Variants in NLRP11 observed in about 807,000 individuals in gnomAD.
NLRP11 encodes the protein NLR family pyrin domain containing 11, also known as NACHT, LRR and PYD domains-containing protein 11.
In NLRP11, 53 loss-of-function variants were observed where a neutral mutation model predicts 79.3. The ratio of observed to expected loss-of-function variants is 0.67; its 90% CI spans 0.54 to 0.84. NLRP11 has a LOEUF of 0.84. NLRP11 is among the 40% of genes least tolerant of loss of function. NLRP11 has a pLI of 0.00. For synonymous variants in NLRP11, 518 were observed against 462.6 expected (o/e 1.12, Z -1.54); for missense variants, 1,264 against 1,255.0 (o/e 1.01, Z -0.11).
At chr19:55,805,543 T>G (rs890523303) in intron 4 of NLRP11, among the ~76,000 whole-genome samples, 1 of 152,044 alleles carries the variant, frequency 6.6e-6, no homozygotes, top group East Asian at 1.9e-4. Flanking sequence ...GTTTTGTTTT[T>G]TTTTTTAAAT....
At chr19:55,834,217 G>A (rs1983043337), upstream of NLRP11, among the ~76,000 whole-genome samples, 1 of 152,098 alleles carries the variant, frequency 6.6e-6, no homozygotes, top group Non-Finnish European at 1.5e-5. Flanking sequence ...CAAACTAGGA[G>A]GAGATATATG....
chr19:55,792,601 CT>C (rs748380573), intron 6 of NLRP11, 130 bp from the exon 7 acceptor site: 5 of 649,266 alleles, frequency 7.7e-6, no homozygotes, highest in Non-Finnish European at 1.3e-5. Context: ...CTACCAATGA[CT>C]TTCTTATTTG....
At chr19:55,804,515 C>G (rs1052568720) in intron 4 of NLRP11, among the ~76,000 whole-genome samples, 6 of 151,806 alleles carry the variant, frequency 4.0e-5, no homozygotes, top group African/African-American at 1.5e-4. Context: ...GGAACAGAAC[C>G]AAATACTGCA....
At chr19:55,834,187 A>G (rs964836376), upstream of NLRP11, among the ~76,000 whole-genome samples, 4 of 152,220 alleles carry the variant, frequency 2.6e-5, no homozygotes, top group African/African-American at 9.6e-5. Flanking sequence ...TGGTTCTTAT[A>G]TAACAAAAGC....
chr19:55,809,221 C>T lies in NLRP11; in HGVS notation c.1389G>A (p.Leu463=), dbSNP rs1345435797. 8 of 1,613,504 alleles carry T rather than the reference C, an allele frequency of 5.0e-6. No individual in the cohort carries two copies. Among genetic ancestry groups the T allele is most frequent in the Non-Finnish European group, 6.8e-6 (8 of 1,179,544 alleles). The change falls in exon 3 of 10, where the codon CTG becomes CTA. Residue 463 remains leucine (L), a synonymous_variant. Transcript: ENST00000589093. This position sits in a 1 kb window ranked among gnomAD's most constrained non-coding sequence, Gnocchi z 4.5. ...GGATCAGATAGTTGGGTACTGCCATCAGAAATGCAATGGCTGTACAAAACT... is the reference window on the plus strand; with the variant it reads ...GGATCAGATAGTTGGGTACTGCCATTAGAAATGCAATGGCTGTACAAAACT...
chr19:55,815,448 G>A (rs1318509676), intron 2 of NLRP11, among the ~76,000 whole-genome samples: 3 of 146,720 alleles, frequency 2.0e-5, no homozygotes, highest in African/African-American at 5.1e-5. Context: ...AGAATCACTC[G>A]AACCTAGGAG....
intron 4 of NLRP11, among the ~76,000 whole-genome samples, chr19:55,803,584 T>A (rs1200677419): frequency 6.6e-6 from 1 of 152,090 alleles, no homozygotes; most frequent in Non-Finnish European, 1.5e-5. Context: ...AATACCCGCA[T>A]CTATAAGGAA....
At chr19:55,832,596 T>G (rs1417806280), upstream of NLRP11, among the ~76,000 whole-genome samples, 1 of 152,250 alleles carries the variant, frequency 6.6e-6, no homozygotes, top group Non-Finnish European at 1.5e-5. Flanking sequence ...GGAGGGAGTA[T>G]GCTCTGGGTA....
intron 1 of NLRP11, among the ~76,000 whole-genome samples, chr19:55,831,255 G>C (rs1462286266): frequency 6.6e-6 from 1 of 151,252 alleles, no homozygotes; most frequent in Non-Finnish European, 1.5e-5. Flanking sequence ...CAACTGACGG[G>C]CATTAACATT....
At chr19:55,802,799 T>C (rs972784120) in intron 4 of NLRP11, among the ~76,000 whole-genome samples, 4 of 152,116 alleles carry the variant, frequency 2.6e-5, no homozygotes, top group African/African-American at 7.2e-5. Flanking sequence ...AACAGCATGG[T>C]ACTGGTACAA....
At chr19:55,808,732 G>C in intron 3 of NLRP11, 37 bp downstream of exon 3, 1 of 1,554,794 alleles carries the variant, frequency 6.4e-7, no homozygotes, top group East Asian at 2.2e-5. Context: ...CAGGTCTTAG[G>C]AAGACAGGAA....
intron 1 of NLRP11, among the ~76,000 whole-genome samples, chr19:55,828,462 C>T (rs933529356): frequency 1.3e-5 from 2 of 152,098 alleles, no homozygotes; most frequent in African/African-American, 2.4e-5. Flanking sequence ...GTAATGATGT[C>T]AATTAAAGTA....
At chr19:55,814,581 T>TG (rs1568639166) in intron 2 of NLRP11, among the ~76,000 whole-genome samples, 1 of 150,242 alleles carries the variant, frequency 6.7e-6, no homozygotes, top group African/African-American at 2.4e-5. Context: ...ACCATGCAAC[T>TG]AAAAAAAAAA....
At chr19:55,814,041 G>T (rs962696501) in intron 2 of NLRP11, among the ~76,000 whole-genome samples, 1 of 152,152 alleles carries the variant, frequency 6.6e-6, no homozygotes, top group Non-Finnish European at 1.5e-5. Context: ...AGCCGATGGT[G>T]AGTGGTGAGT....
At chr19:55,821,211 A>T (rs111761029) in intron 1 of NLRP11, among the ~76,000 whole-genome samples, 14,158 of 109,664 alleles carry the variant, frequency 0.13, 748 homozygotes, top group East Asian at 0.25. Flanking sequence ...TCTCTCACAC[A>T]CACACACACA....
chr19:55,831,585 ATTCTT>A (rs570867707), intron 1 of NLRP11, among the ~76,000 whole-genome samples: 127 of 152,214 alleles, frequency 8.3e-4, no homozygotes, highest in African/African-American at 2.9e-3. Context: ...AAATAAAAAT[ATTCTT>A]TTCATCTCTA....
At chr19:55,812,486 G>A (rs1273086076) in intron 2 of NLRP11, among the ~76,000 whole-genome samples, 1 of 152,156 alleles carries the variant, frequency 6.6e-6, no homozygotes, top group Non-Finnish European at 1.5e-5. Context: ...CAAAAGGAGA[G>A]GGGATGAAAA....
At position 55,803,952 on chromosome 19, in the gene NLRP11, C is replaced by T. The variant is rs138922917; in HGVS notation, c.2004-2213G>A. Among the ~76,000 whole-genome samples, 333 of 152,240 alleles carry T rather than the reference C, an allele frequency of 2.2e-3. 1 individual carries two copies. The highest frequency in any genetic ancestry group is 7.8e-3 in the African/African-American group (324 of 41,536). ...CAAAAAATTAGCCAGCTTGGTGGTG[C>T]ATGTCTGTAATCCCAGCTACTCAGG... On this transcript the variant is annotated intron_variant, in intron 4 of 9. Coordinates refer to ENST00000589093, the Ensembl canonical transcript of NLRP11.
At chr19:55,797,153 T>C (rs1442779774) in intron 5 of NLRP11, among the ~76,000 whole-genome samples, 1 of 152,108 alleles carries the variant, frequency 6.6e-6, no homozygotes, top group East Asian at 1.9e-4. Flanking sequence ...CCTTAAATTA[T>C]CCAGGAGTGG....
Sources: gnomAD v4.1 joint callset for allele counts (sites outside exome capture counted in the v4.1 genomes callset) on GRCh38, gnomAD v4.1.1 for gene constraint, Gnocchi (gnomAD v3.1) non-coding constraint, MANE v1.5 for transcripts, NCBI Gene and HGNC (gene_info 2026-07-23, HGNC 2026-07-21) for gene names.